The following ZNF516 variants were observed in gnomAD, a reference collection of about 807,000 sequenced individuals.
ZNF516 encodes the protein zinc finger protein 516.
ZNF516 carries 19 observed loss-of-function variants against 79.7 expected under a neutral mutation model. The observed-to-expected ratio is 0.24, with a 90% CI of 0.17 to 0.35. The LOEUF (loss-of-function observed/expected upper bound fraction) is 0.35, where lower values mean the gene tolerates loss of function less well. Ranked by LOEUF, ZNF516 falls within the 10% of genes least tolerant of loss-of-function variation. The pLI is 1.00. For missense variants in ZNF516, 1,678 were observed against 1,679.5 expected (o/e 1.00, Z 0.02); for synonymous variants, 877 against 739.5 (o/e 1.19, Z -3.02).
intron 3 of ZNF516, among the ~76,000 whole-genome samples, chr18:76,428,689 C>T (rs1039393953): frequency 6.6e-6 from 1 of 152,222 alleles, no homozygotes; most frequent in African/African-American, 2.4e-5. Flanking sequence ...AAAATCTACA[C>T]ATACGCTTAC....
rs1247464058 is a variant in ZNF516, at chr18:76,467,228, AAGTCCTGCGTGTCTCTC to A, written c.-271-4104_-271-4088del. Among the ~76,000 whole-genome samples, 1 of 6,580 alleles carries A rather than the reference AAGTCCTGCGTGTCTCTC, an allele frequency of 1.5e-4. No homozygotes were observed. Among genetic ancestry groups the A allele is most frequent in the African/African-American group, 2.0e-4 (1 of 4,964 alleles). 4.3% of individuals were successfully genotyped at this position (6,580 alleles called of 152,430 possible). ...CTCACAGCCCCTCTGGGCTGGCAGG[AAGTCCTGCGTGTCTCTC>A]GGAACCTGCAGCTGACAGCCCCTCT... On this transcript the variant is annotated intron_variant, in intron 1 of 6. Transcript: ENST00000443185. The surrounding 1 kb of genome is among the most constrained non-coding windows in gnomAD (Gnocchi z 4.2).
chr18:76,488,523 A>AGGGGGG (rs1914967137), intron 1 of ZNF516, among the ~76,000 whole-genome samples: 3 of 17,348 alleles, frequency 1.7e-4, no homozygotes, highest in Non-Finnish European at 3.3e-4. Flanking sequence ...AGAACTTTTG[A>AGGGGGG]GGGGGAGGGG....
At chr18:76,374,647 C>T (rs778717565) in intron 4 of ZNF516, among the ~76,000 whole-genome samples, 1 of 152,232 alleles carries the variant, frequency 6.6e-6, no homozygotes, top group South Asian at 2.1e-4. Context: ...CAGAATCACA[C>T]TTCTAGCACC....
intron 6 of ZNF516, among the ~76,000 whole-genome samples, chr18:76,365,624 C>G (rs191257836): frequency 2.0e-5 from 3 of 152,338 alleles, no homozygotes; most frequent in Non-Finnish European, 4.4e-5. Flanking sequence ...TGCATGAGCT[C>G]TTTCCCTCAT....
chr18:76,435,331 C>T lies in ZNF516; in HGVS notation c.1810+5914G>A, dbSNP rs761573214. Among the ~76,000 whole-genome samples the T allele has an allele frequency of 3.0e-4, 45 of 152,186 alleles. 1 individual carries two copies. Among genetic ancestry groups the T allele is most frequent in the Non-Finnish European group, 7.3e-5 (5 of 68,030 alleles). ...CATTCTGGAAGGTCAGAAAATGTAG[C>T]ACTCTGTTCAAGCAAATATCAGCAT... On this transcript the variant is annotated intron_variant, in intron 3 of 6. Coordinates refer to ENST00000443185, the MANE Select transcript of ZNF516 (RefSeq NM_014643.4).
At chr18:76,481,841 A>C (rs965452945) in intron 1 of ZNF516, among the ~76,000 whole-genome samples, 1 of 152,204 alleles carries the variant, frequency 6.6e-6, no homozygotes, top group Non-Finnish European at 1.5e-5. Flanking sequence ...AATTTCTATT[A>C]ATTTAATGGG....
rs1346748817 is a variant in ZNF516, at chr18:76,424,389, C to T, written c.1810+16856G>A. ...CACACGCAGGTGAAAGGGTCCCCCC[C>T]GAAACACACGCAGGTGAAAAGGCTC... On this transcript the variant is annotated intron_variant, in intron 3 of 6. Transcript: ENST00000443185. Among the ~76,000 whole-genome samples the T allele has an allele frequency of 8.2e-4, 102 of 124,656 alleles. 1 individual carries two copies. The highest frequency in any genetic ancestry group is 2.9e-3 in the African/African-American group (98 of 33,318). 81.8% of individuals were successfully genotyped at this position (124,656 alleles called of 152,430 possible).
intron 4 of ZNF516, among the ~76,000 whole-genome samples, chr18:76,371,949 G>A (rs1599136481): frequency 6.6e-6 from 1 of 152,232 alleles, no homozygotes. Context: ...CAGAGACGAG[G>A]CTCATGGAAA....
At chr18:76,457,966 T>C (rs1232425762) in intron 2 of ZNF516, among the ~76,000 whole-genome samples, 1 of 152,222 alleles carries the variant, frequency 6.6e-6, no homozygotes, top group Non-Finnish European at 1.5e-5. Context: ...CTTCTCACCT[T>C]CAAGGCCCAA....
At chr18:76,446,715 T>G (rs896802388) in intron 2 of ZNF516, among the ~76,000 whole-genome samples, 10 of 152,220 alleles carry the variant, frequency 6.6e-5, no homozygotes, top group Non-Finnish European at 1.3e-4. Flanking sequence ...AGGAGCAGCA[T>G]CCACGATGCT....
chr18:76,419,595 C>T (rs2075480374), intron 3 of ZNF516, among the ~76,000 whole-genome samples: 1 of 152,226 alleles, frequency 6.6e-6, no homozygotes, highest in Non-Finnish European at 1.5e-5. Context: ...TGGGAGGTAA[C>T]TGAATCATTC....
At chr18:76,477,599 T>C (rs988638296) in intron 1 of ZNF516, among the ~76,000 whole-genome samples, 2 of 152,186 alleles carry the variant, frequency 1.3e-5, no homozygotes, top group Non-Finnish European at 2.9e-5. Flanking sequence ...ACCAACAAAA[T>C]GTGATTCTCT....
At chr18:76,404,025 A>C (rs1317007296) in intron 3 of ZNF516, among the ~76,000 whole-genome samples, 4 of 152,248 alleles carry the variant, frequency 2.6e-5, no homozygotes, top group Non-Finnish European at 5.9e-5. Flanking sequence ...ACAGGCTGGC[A>C]GCCTGGGGCT....
At chr18:76,369,311 G>C (rs1330804657) in intron 6 of ZNF516, among the ~76,000 whole-genome samples, 1 of 152,094 alleles carries the variant, frequency 6.6e-6, no homozygotes, top group African/African-American at 2.4e-5. Flanking sequence ...ATTAAGAAAG[G>C]CAGAAGCTAA....
At chr18:76,386,578 C>T (rs1260928489) in intron 3 of ZNF516, 3 of 152,044 alleles carry the variant, frequency 2.0e-5, no homozygotes, top group African/African-American at 7.3e-5. Context: ...TTCAGTTAAG[C>T]GACCATAATT....
At chr18:76,466,300 G>A (rs534368824) in intron 1 of ZNF516, among the ~76,000 whole-genome samples, 85 of 152,338 alleles carry the variant, frequency 5.6e-4, no homozygotes, top group African/African-American at 1.7e-3. Context: ...GGCACAGGGA[G>A]GGCTCTTGCA....
chr18:76,479,836 C>T (rs7239053), intron 1 of ZNF516, among the ~76,000 whole-genome samples: 50,408 of 152,170 alleles, frequency 0.33, 9,188 homozygotes, highest in Middle Eastern at 0.41. Flanking sequence ...ACCCAGGACC[C>T]TGACACTTCA....
chr18:76,485,560 GACA>G (rs762790056), intron 1 of ZNF516, among the ~76,000 whole-genome samples: 40 of 152,310 alleles, frequency 2.6e-4, no homozygotes, highest in Non-Finnish European at 4.7e-4. Flanking sequence ...ACAAGACTGA[GACA>G]ACGAGAGAGA....
At chr18:76,460,056 C>A (rs1013459141) in intron 2 of ZNF516, among the ~76,000 whole-genome samples, 1 of 152,240 alleles carries the variant, frequency 6.6e-6, no homozygotes, top group Non-Finnish European at 1.5e-5. Context: ...AAACACCGCA[C>A]TGCATTTCTG....
Sources: allele counts gnomAD v4.1 joint callset (sites outside exome capture counted in the v4.1 genomes callset), GRCh38; gene constraint gnomAD v4.1.1; non-coding constraint Gnocchi (gnomAD v3.1); transcripts MANE v1.5; gene names NCBI Gene and HGNC (gene_info 2026-07-23, HGNC 2026-07-21).